Variants in ZNF671 observed in about 807,000 individuals in gnomAD.
ZNF671 encodes the protein zinc finger protein 671, also known as hypothetical protein FLJ23506.
A neutral mutation model predicts 16.6 loss-of-function variants in ZNF671; 19 were observed. The observed-to-expected ratio is 1.14, with a 90% confidence interval of 0.80 to 1.68. The LOEUF is 1.68. Among genes scored for constraint, ZNF671 ranks in the 40% most tolerant of loss-of-function variants. The probability of loss-of-function intolerance (pLI) is 0.00; values close to 1 mark genes in which losing one functional copy is unlikely to be tolerated. For synonymous variants in ZNF671, 238 were observed against 236.3 expected (o/e 1.01, Z -0.06); for missense variants, 637 against 659.8 (o/e 0.97, Z 0.38).
At chr19:57,726,263 A>C (rs1179022586) in intron 1 of ZNF671, among the ~76,000 whole-genome samples, 1 of 151,784 alleles carries the variant, frequency 6.6e-6, no homozygotes, top group East Asian at 1.9e-4. Flanking sequence ...TAGAGGTTGC[A>C]ATAAGCCACT....
intron 1 of ZNF671, among the ~76,000 whole-genome samples, chr19:57,726,217 G>A (rs1986043604): frequency 6.6e-6 from 1 of 151,042 alleles, no homozygotes; most frequent in African/African-American, 2.4e-5. Flanking sequence ...AACTACTTGG[G>A]AGGCTGAGGC....
intron 1 of ZNF671, among the ~76,000 whole-genome samples, chr19:57,726,133 TCCCACCTCCCCAC>T (rs1986041499): frequency 6.7e-5 from 2 of 30,032 alleles, no homozygotes; most frequent in African/African-American, 2.7e-4. Context: ...ACCCCACCCC[TCCCACCTCCCCAC>T]CCCCGTCTCT....
chr19:57,725,430 C>T (rs2122469174), intron 1 of ZNF671, among the ~76,000 whole-genome samples: 1 of 152,130 alleles, frequency 6.6e-6, no homozygotes, highest in East Asian at 1.9e-4. Flanking sequence ...TGCCACTGCA[C>T]TCCAGCCTAG....
intron 1 of ZNF671, 73 bp downstream of exon 1, chr19:57,727,318 C>T (rs1373778622): frequency 5.6e-5 from 84 of 1,513,088 alleles, no homozygotes; most frequent in Non-Finnish European, 5.6e-5. Flanking sequence ...TCCTGGGACA[C>T]AGGGGCTGCA....
At position 57,727,562 on chromosome 19, in the gene ZNF671, G is replaced by A; in HGVS notation, c.-34C>T. Reference sequence around the variant, plus strand: ...CGCTTTCCCAACACCTCCACCTGCGGCCCACACAAGCGTTACAGAACCCCG... The same window carrying A: ...CGCTTTCCCAACACCTCCACCTGCGACCCACACAAGCGTTACAGAACCCCG... On this transcript the variant is annotated 5_prime_UTR_variant, in exon 1 of 4. Transcript: ENST00000317398. The A allele has an allele frequency of 6.3e-7, 1 of 1,577,538 alleles. No individual in the cohort carries two copies. Among genetic ancestry groups the A allele is most frequent in the East Asian group, 2.3e-5 (1 of 43,500 alleles).
chr19:57,725,443 A>G (rs1248996277), intron 1 of ZNF671, among the ~76,000 whole-genome samples: 5 of 150,406 alleles, frequency 3.3e-5, no homozygotes. Flanking sequence ...CAGCCTAGGA[A>G]ACGTGGTGAA....
chr19:57,723,450 A>C, intron 1 of ZNF671, 110 bp from the exon 2 acceptor site: 1 of 1,332,364 alleles, frequency 7.5e-7, no homozygotes, highest in Non-Finnish European at 1.0e-6. Context: ...CAAGTCAGAG[A>C]TACCAGGCAC....
chr19:57,723,866 T>TAAAAAAAA (rs11310575), intron 1 of ZNF671, among the ~76,000 whole-genome samples: 2 of 127,004 alleles, frequency 1.6e-5, no homozygotes, highest in Non-Finnish European at 1.7e-5. Context: ...CCGTCTCTAC[T>TAAAAAAAA]AAAAAAAAAA....
intron 1 of ZNF671, among the ~76,000 whole-genome samples, chr19:57,724,128 T>C (rs1985969720): frequency 6.6e-6 from 1 of 151,768 alleles, no homozygotes; most frequent in Non-Finnish European, 1.5e-5. Flanking sequence ...AGGAAAGCCC[T>C]ATTGTTGCTC....
At chr19:57,726,020 G>T (rs62128136) in intron 1 of ZNF671, among the ~76,000 whole-genome samples, 1 of 150,764 alleles carries the variant, frequency 6.6e-6, no homozygotes. Context: ...GGCTGGGGCC[G>T]GTGGATCAGT....
Position 57,721,265 on chromosome 19 carries a change from A to G in ZNF671, c.821T>C (p.Leu274Pro). 1 of 1,592,392 alleles carries G rather than the reference A, an allele frequency of 6.3e-7. No individual in the cohort carries two copies. The highest frequency in any genetic ancestry group is 8.6e-7 in the Non-Finnish European group (1 of 1,167,466). Reference sequence around the variant, plus strand: ...CTGTCCCATGAGAAAGCCACTCACAAGCTTAGTGCTCTTGTGGGGCTTCAT... The same window carrying G: ...CTGTCCCATGAGAAAGCCACTCACAGGCTTAGTGCTCTTGTGGGGCTTCAT... ...SSMKPHKSTK[L>P]VSGFLMGQRY... is the part of the protein sequence containing the mutation. The change falls in exon 4 of 4, where the codon CTT (leucine) becomes CCT (proline). Residue 274 changes from leucine to proline, a missense_variant. Physicochemically the swap from Leu to Pro is moderately conservative, Grantham distance 98. Coordinates refer to ENST00000317398, the MANE Select transcript of ZNF671 (RefSeq NM_024833.3).
At position 57,721,581 on chromosome 19, in the gene ZNF671, A is replaced by G. The variant is rs1473453821; in HGVS notation, c.505T>C (p.Cys169Arg). The change falls in exon 4 of 4, where the codon TGT (cysteine) becomes CGT (arginine). Residue 169 changes from cysteine (C) to arginine (R), a missense_variant. Transcript: ENST00000317398. ...AAGGTATCTTTCAATATTGGGCCAC[A>G]TATGTCACATGGGTGAGACTCCAGC... ...AELESHPCDI[C>R]GPILKDTLHL... 10 of 1,614,072 alleles carry G rather than the reference A, an allele frequency of 6.2e-6. No individual in the cohort carries two copies. The highest frequency in any genetic ancestry group is 2.2e-5 in the East Asian group (1 of 44,896).
At chr19:57,721,811 A>G (rs1985886225) in intron 3 of ZNF671, 114 bp from the exon 4 acceptor site, 1 of 1,389,916 alleles carries the variant, frequency 7.2e-7, no homozygotes, top group South Asian at 1.4e-5. Flanking sequence ...TGTTTTCAGA[A>G]TGAGAGGCAT....
intron 3 of ZNF671, 80 bp from the exon 4 acceptor site, chr19:57,721,777 C>G: frequency 6.6e-7 from 1 of 1,513,554 alleles, no homozygotes; most frequent in Non-Finnish European, 8.9e-7. Flanking sequence ...GCATTTGACA[C>G]ATGCAGGAAT....
chr19:57,722,580 C>T, intron 2 of ZNF671, 142 bp from the exon 3 acceptor site: 1 of 1,329,714 alleles, frequency 7.5e-7, no homozygotes, highest in South Asian at 1.4e-5. Flanking sequence ...ATGTAAGTGC[C>T]TATAACTCCT....
chr19:57,722,352 C>T lies in ZNF671; in HGVS notation c.352G>A (p.Ala118Thr). Residue 118 changes from alanine (A) to threonine (T), a missense_variant, in exon 3 of 4, where the codon GCC becomes ACC. By Grantham distance (58) the Ala-to-Thr change is moderately conservative (BLOSUM62 0). Coordinates refer to ENST00000317398, the MANE Select transcript of ZNF671 (RefSeq NM_024833.3). ...CCCCTCTGGGCCTCTCTTTCTGTGG[C>T]TGAAGTCATATCCACCTGGTCATAC... Reference protein sequence around the residue: ...WVYDQVDMTSATEREAQRGLR... With the variant: ...WVYDQVDMTSTTEREAQRGLR... 1 of 1,614,132 alleles carries T rather than the reference C, an allele frequency of 6.2e-7. No homozygotes were observed. The highest frequency in any genetic ancestry group is 1.1e-5 in the South Asian group (1 of 91,084).
At chr19:57,724,321 G>A (rs1401070444) in intron 1 of ZNF671, among the ~76,000 whole-genome samples, 2 of 152,086 alleles carry the variant, frequency 1.3e-5, no homozygotes, top group Non-Finnish European at 2.9e-5. Flanking sequence ...AGTGCTGGAG[G>A]CCCAGGGAAG....
chr19:57,727,433 G>A lies in ZNF671; in HGVS notation c.96C>T (p.Val32=), dbSNP rs1324407573. ...GCTCCGCCATAGGACCGTGGGCGCG[G>A]ACAGCTGCCGGGAGCGGCAGGCGTC... ...RSRRLPLPAA[V]RAHGPMAELT... is the part of the protein sequence containing the mutation. The change falls in exon 1 of 4, where the codon GTC becomes GTT. Residue 32 remains valine, a synonymous_variant. Coordinates refer to ENST00000317398, the MANE Select transcript of ZNF671 (RefSeq NM_024833.3). 12 of 1,613,116 alleles carry A rather than the reference G, an allele frequency of 7.4e-6. No homozygotes were observed. The highest frequency in any genetic ancestry group is 9.3e-6 in the Non-Finnish European group (11 of 1,179,630).
chr19:57,723,853 A>AC (rs34030104), intron 1 of ZNF671, among the ~76,000 whole-genome samples: 15,857 of 143,172 alleles, frequency 0.11, 1,588 homozygotes, highest in African/African-American at 0.28. Context: ...ACATGGTGAA[A>AC]CCCCGTCTCT....
Sources: allele counts gnomAD v4.1 joint callset (sites outside exome capture counted in the v4.1 genomes callset), GRCh38; gene constraint gnomAD v4.1.1; transcripts MANE v1.5; gene names NCBI Gene and HGNC (gene_info 2026-07-23, HGNC 2026-07-21).